The following CHRDL1 variants were observed in gnomAD, a reference collection of about 807,000 sequenced individuals.
The protein encoded by CHRDL1 is chordin like 1, also known as chordin-like protein 1.
In CHRDL1, 19 loss-of-function variants were observed where a neutral mutation model predicts 40.9. The ratio of observed to expected loss-of-function variants is 0.46; its 90% confidence interval spans 0.32 to 0.68. The LOEUF is 0.68. CHRDL1 is among the 30% of genes least tolerant of loss of function. The probability of loss-of-function intolerance (pLI) is 0.03; values close to 1 mark genes in which losing one functional copy is unlikely to be tolerated. For synonymous variants in CHRDL1, 136 were observed against 123.4 expected, an observed-to-expected ratio of 1.10 and a Z score of -0.68; for missense variants, 329 against 352.1, an observed-to-expected ratio of 0.93 and a Z score of 0.53.
chrX:110,705,304 T>TATATACACAC (rs1491498596), intron 6 of CHRDL1, among the ~76,000 whole-genome samples: 16 of 77,591 alleles, frequency 2.1e-4, no homozygotes, highest in African/African-American at 9.0e-4. Context: ...TATATATATA[T>TATATACACAC]ACACACACAC....
At chrX:110,697,905 C>T (rs1467518661) in intron 7 of CHRDL1, among the ~76,000 whole-genome samples, 2 of 104,468 alleles carry the variant, frequency 1.9e-5, no homozygotes, top group African/African-American at 7.1e-5. Flanking sequence ...ACCAATGGCA[C>T]GAGGACCAAT....
At chrX:110,700,775 T>G (rs2070496712) in intron 6 of CHRDL1, 54 bp from the exon 7 acceptor site, 16 of 837,465 alleles carry the variant, frequency 1.9e-5, no homozygotes, top group Non-Finnish European at 2.7e-5. Context: ...AAGGGAAAGT[T>G]ATCACCCTTG....
At chrX:110,740,449 T>A (rs1349649828) in intron 4 of CHRDL1, among the ~76,000 whole-genome samples, 3 of 112,425 alleles carry the variant, frequency 2.7e-5, no homozygotes, top group African/African-American at 9.7e-5. Flanking sequence ...CTTCCCATAG[T>A]GCTGGAACTA....
intron 2 of CHRDL1, among the ~76,000 whole-genome samples, chrX:110,768,597 A>C (rs1285993913): frequency 9.0e-6 from 1 of 111,093 alleles, no homozygotes; most frequent in Non-Finnish European, 1.9e-5. Flanking sequence ...TGACTTGCTG[A>C]GTCTTCTGGC....
At chrX:110,750,417 A>G (rs1386847507) in intron 4 of CHRDL1, among the ~76,000 whole-genome samples, 1 of 110,914 alleles carries the variant, frequency 9.0e-6, no homozygotes, top group Non-Finnish European at 1.9e-5. Context: ...CTTACTCAAG[A>G]AGAAAACAGG....
chrX:110,762,286 T>C (rs1275481203), intron 3 of CHRDL1, among the ~76,000 whole-genome samples: 1 of 111,860 alleles, frequency 8.9e-6, no homozygotes, highest in African/African-American at 3.2e-5. Context: ...CTTTCTTCTT[T>C]TATTTTATGA....
rs1414875633 is a variant in CHRDL1 at position 110,674,834 on chromosome X, C to A, written c.*1397G>T. On this transcript the variant is annotated 3_prime_UTR_variant, in exon 12 of 12. Coordinates refer to ENST00000372042, the MANE Select transcript of CHRDL1 (RefSeq NM_001143981.2). The stretch of plus-strand genomic sequence containing the variant: ...CAAATCTAGAAGGCATGCCTGAGAT[C>A]CTTGCTGTGAAGAATTAGGTCTTCC... 8.9e-6 allele frequency: 1 copy of A among 112,159 alleles called. No individual in the cohort carries two copies. The highest frequency in any genetic ancestry group is 1.9e-5 in the Non-Finnish European group (1 of 53,242). 9.2% of individuals were successfully genotyped at this position (112,159 alleles called of 1,213,427 possible).
chrX:110,740,807 G>T (rs2071346260), intron 4 of CHRDL1, among the ~76,000 whole-genome samples: 1 of 112,006 alleles, frequency 8.9e-6, no homozygotes, highest in Non-Finnish European at 1.9e-5. Context: ...ATTTGACTTA[G>T]CCTATTGTGT....
intron 4 of CHRDL1, among the ~76,000 whole-genome samples, chrX:110,751,033 CT>C (rs1424068477): frequency 9.0e-6 from 1 of 111,330 alleles, no homozygotes; most frequent in African/African-American, 3.3e-5. Context: ...AAAATCTCCC[CT>C]GGGCCCTATT....
intron 5 of CHRDL1, among the ~76,000 whole-genome samples, chrX:110,720,598 C>T (rs191404209): frequency 3.6e-5 from 4 of 111,576 alleles, no homozygotes; most frequent in Non-Finnish European, 7.5e-5. Context: ...CAAGGCCACA[C>T]GAAAATTCTC....
chrX:110,695,796 G>A (rs1394941270), intron 7 of CHRDL1, among the ~76,000 whole-genome samples: 2 of 112,003 alleles, frequency 1.8e-5, no homozygotes, highest in African/African-American at 6.5e-5. Flanking sequence ...TGGCAGGAAG[G>A]GGCCACTGGT....
Position 110,722,168 on chromosome X carries a change from T to A in CHRDL1, c.302-638A>T, listed in dbSNP as rs184848654. Among the ~76,000 whole-genome samples the A allele has an allele frequency of 3.2e-3, 353 of 110,510 alleles. 2 individuals are homozygous for A. The highest frequency in any genetic ancestry group is 0.014 in the Middle Eastern group (3 of 218). The stretch of plus-strand genomic sequence containing the variant: ...GCCTGCCACCACGCCTGGCTATTTT[T>A]TTTTTTTAAGTAGAGATGGGGTTTC... On this transcript the variant is annotated intron_variant, in intron 4 of 11. Coordinates refer to ENST00000372042, the MANE Select transcript of CHRDL1 (RefSeq NM_001143981.2).
intron 11 of CHRDL1, among the ~76,000 whole-genome samples, chrX:110,676,677 C>G (rs902116641): frequency 4.5e-5 from 5 of 111,331 alleles, no homozygotes; most frequent in Non-Finnish European, 7.5e-5. Context: ...TTAGCATTTA[C>G]AAAATGCTTC....
chrX:110,758,381 C>T (rs1211892740), intron 4 of CHRDL1, among the ~76,000 whole-genome samples: 1 of 111,293 alleles, frequency 9.0e-6, no homozygotes, highest in Admixed American at 9.6e-5. Context: ...CTATCAGCAC[C>T]AACACTCAGA....
intron 2 of CHRDL1, among the ~76,000 whole-genome samples, chrX:110,787,513 T>A (rs939948552): frequency 1.8e-5 from 2 of 112,667 alleles, no homozygotes; most frequent in African/African-American, 6.4e-5. Flanking sequence ...GGTCCACGCA[T>A]TTGCTTGCTC....
chrX:110,707,735 C>T (rs1200878169), intron 6 of CHRDL1, among the ~76,000 whole-genome samples: 2 of 111,732 alleles, frequency 1.8e-5, no homozygotes, highest in Non-Finnish European at 3.8e-5. Context: ...TAGGCATGGG[C>T]AAAGACTCCA....
chrX:110,713,648 T>C (rs2070784880), intron 6 of CHRDL1, among the ~76,000 whole-genome samples: 1 of 112,439 alleles, frequency 8.9e-6, no homozygotes, highest in Non-Finnish European at 1.9e-5. Flanking sequence ...ATTCTAGCTC[T>C]GCCACTTACT....
At chrX:110,767,066 A>G (rs745334548) in intron 2 of CHRDL1, among the ~76,000 whole-genome samples, 1 of 112,711 alleles carries the variant, frequency 8.9e-6, no homozygotes, top group East Asian at 2.8e-4. Flanking sequence ...GGTACACCAC[A>G]TAAACAGAAT....
chrX:110,728,851 GTGGGC>G (rs1432391100), intron 4 of CHRDL1, among the ~76,000 whole-genome samples: 1 of 112,018 alleles, frequency 8.9e-6, no homozygotes, highest in Non-Finnish European at 1.9e-5. Flanking sequence ...ATCAAAAACA[GTGGGC>G]TGGGCACAGT....
Sources: gnomAD v4.1 joint callset for allele counts (sites outside exome capture counted in the v4.1 genomes callset) on GRCh38, gnomAD v4.1.1 for gene constraint, MANE v1.5 for transcripts, NCBI Gene and HGNC (gene_info 2026-07-23, HGNC 2026-07-21) for gene names.